The following PIK3CB variants were observed in gnomAD, a reference collection of about 807,000 sequenced individuals.
PIK3CB encodes phosphatidylinositol-4,5-bisphosphate 3-kinase catalytic subunit beta, also known as phosphatidylinositol 4,5-bisphosphate 3-kinase catalytic subunit beta isoform.
A neutral mutation model predicts 136.8 loss-of-function variants in PIK3CB; 39 were observed. The observed-to-expected ratio is 0.29, with a 90% confidence interval of 0.22 to 0.37. The LOEUF (loss-of-function observed/expected upper bound fraction) is 0.37. Ranked by LOEUF, PIK3CB falls within the 10% of genes least tolerant of loss-of-function variation. The probability of loss-of-function intolerance (pLI) is 1.00; values close to 1 mark genes in which losing one functional copy is unlikely to be tolerated. For missense variants in PIK3CB, 868 were observed against 1,275.4 expected (o/e 0.68, Z 4.87); for synonymous variants, 428 against 436.6 (o/e 0.98, Z 0.25).
intron 1 of PIK3CB, among the ~76,000 whole-genome samples, chr3:138,798,045 G>A (rs1333231348): frequency 6.6e-6 from 1 of 152,184 alleles, no homozygotes; most frequent in African/African-American, 2.4e-5. Flanking sequence ...CACTGTGCAA[G>A]GGGGAAGGTG....
chr3:138,746,780 AC>A (rs1348596992), intron 4 of PIK3CB, among the ~76,000 whole-genome samples: 1 of 151,646 alleles, frequency 6.6e-6, no homozygotes, highest in African/African-American at 2.4e-5. Flanking sequence ...TTGCTTTGTC[AC>A]ATAACTTTGC....
rs1228844431 is a variant in PIK3CB, at chr3:138,705,154, GCAAAAAAAAAAAAAAAAAA to G, written c.1531-680_1531-662del. 2.5e-3 allele frequency among the ~76,000 whole-genome samples: 76 copies of G among 29,902 alleles called. 3 individuals are homozygous for G. The highest frequency in any genetic ancestry group is 8.8e-3 in the African/African-American group (69 of 7,838). 19.6% of individuals were successfully genotyped at this position (29,902 alleles called of 152,430 possible). ...AAAGACTCTCCAAGAGATTAGAAAG[GCAAAAAAAAAAAAAAAAAA>G]CAAAAAACAAAACAAACAAAAAAAA... On this transcript the variant is annotated intron_variant, in intron 11 of 23. Transcript: ENST00000674063.
intron 7 of PIK3CB, among the ~76,000 whole-genome samples, chr3:138,734,072 G>A (rs2045049242): frequency 6.6e-6 from 1 of 152,078 alleles, no homozygotes; most frequent in East Asian, 1.9e-4. Flanking sequence ...TCAAGGAGTA[G>A]TTCAATATAC....
chr3:138,822,676 T>C (rs1292369417), intron 1 of PIK3CB, among the ~76,000 whole-genome samples: 2 of 151,264 alleles, frequency 1.3e-5, no homozygotes, highest in Middle Eastern at 3.2e-3. Context: ...ACCCCATCTC[T>C]ACTACAAATA....
intron 1 of PIK3CB, among the ~76,000 whole-genome samples, chr3:138,804,129 G>C (rs1576422810): frequency 1.3e-5 from 2 of 151,944 alleles, no homozygotes; most frequent in African/African-American, 4.8e-5. Flanking sequence ...AACATAGCAA[G>C]AATCCATCTC....
chr3:138,733,527 C>T (rs1166546808), intron 7 of PIK3CB, 89 bp from the exon 8 acceptor site: 2 of 626,614 alleles, frequency 3.2e-6, no homozygotes. Context: ...GTTCTAATGT[C>T]TATTGGCAAA....
intron 8 of PIK3CB, among the ~76,000 whole-genome samples, chr3:138,732,719 A>AG (rs2045011435): frequency 1.6e-5 from 2 of 125,486 alleles, no homozygotes; most frequent in South Asian, 6.5e-4. Context: ...AGGAAAGAAA[A>AG]GAAAAAAAAA....
chr3:138,757,730 G>C (rs1351055807), intron 3 of PIK3CB, among the ~76,000 whole-genome samples: 1 of 148,958 alleles, frequency 6.7e-6, no homozygotes, highest in Non-Finnish European at 1.5e-5. Flanking sequence ...GGGAGGAAGA[G>C]AGGGAGGGAG....
chr3:138,797,624 A>C (rs1166080874), intron 1 of PIK3CB, among the ~76,000 whole-genome samples: 1 of 152,200 alleles, frequency 6.6e-6, no homozygotes, highest in Non-Finnish European at 1.5e-5. Flanking sequence ...GTTTTTCCAA[A>C]AGTAAGAAAA....
chr3:138,693,677 G>C lies in PIK3CB; in HGVS notation c.1892+1109C>G, dbSNP rs754670044. On this transcript the variant is annotated intron_variant, in intron 14 of 23. Transcript: ENST00000674063. Reference sequence around the variant, plus strand: ...AGCCTCCCAAAGTGCAGGGATTACAGGCATAAGCCACCACACCCAGCCATC... The same window carrying C: ...AGCCTCCCAAAGTGCAGGGATTACACGCATAAGCCACCACACCCAGCCATC... 7.4e-4 allele frequency among the ~76,000 whole-genome samples: 113 copies of C among 152,142 alleles called. 1 individual carries two copies. The highest frequency in any genetic ancestry group is 2.1e-4 in the Non-Finnish European group (14 of 67,996).
At chr3:138,720,166 C>G (rs1356392060) in intron 8 of PIK3CB, among the ~76,000 whole-genome samples, 1 of 152,152 alleles carries the variant, frequency 6.6e-6, no homozygotes, top group African/African-American at 2.4e-5. Flanking sequence ...GTTCCTTGAC[C>G]TAAATATCTC....
At chr3:138,722,302 A>G (rs1936298806) in intron 8 of PIK3CB, among the ~76,000 whole-genome samples, 1 of 152,010 alleles carries the variant, frequency 6.6e-6, no homozygotes, top group Non-Finnish European at 1.5e-5. Context: ...AGATTTGGTA[A>G]ATCATAAATA....
At chr3:138,677,467 G>GA (rs1383884433) in intron 19 of PIK3CB, among the ~76,000 whole-genome samples, 1 of 152,172 alleles carries the variant, frequency 6.6e-6, no homozygotes, top group Non-Finnish European at 1.5e-5. Flanking sequence ...TTGTATACAA[G>GA]AAATTCTAGT....
intron 1 of PIK3CB, among the ~76,000 whole-genome samples, chr3:138,799,341 CTATT>C (rs1405780668): frequency 6.6e-6 from 1 of 151,882 alleles, no homozygotes; most frequent in Non-Finnish European, 1.5e-5. Flanking sequence ...CCACATCTGG[CTATT>C]TTTTTTTGTA....
intron 4 of PIK3CB, among the ~76,000 whole-genome samples, chr3:138,747,113 T>A (rs1313912714): frequency 1.1e-5 from 1 of 90,700 alleles, no homozygotes; most frequent in Non-Finnish European, 2.1e-5. Context: ...TATATATATA[T>A]GGCATTTGCA....
intron 1 of PIK3CB, among the ~76,000 whole-genome samples, chr3:138,824,618 G>A (rs1270673821): frequency 6.6e-6 from 1 of 151,934 alleles, no homozygotes; most frequent in East Asian, 1.9e-4. Flanking sequence ...ACTTGAACCC[G>A]GGAGGCGGAG....
chr3:138,723,428 A>G (rs2044770100), intron 8 of PIK3CB, among the ~76,000 whole-genome samples: 3 of 152,026 alleles, frequency 2.0e-5, no homozygotes, highest in South Asian at 2.1e-4. Context: ...GTGTGGGCCT[A>G]TGATCCCAGC....
In PIK3CB at chr3:138,655,994, ACTTC is replaced by A. The variant is rs2043185378; in HGVS notation, c.3075+144_3075+147del. 19 of 763,986 alleles carry A rather than the reference ACTTC, an allele frequency of 2.5e-5. No homozygotes were observed. The South Asian group carries it at 3.4e-4, about 14-fold the overall frequency. The allele number at this position is 763,986 out of a possible 1,614,324, so 47.3% of individuals were successfully genotyped here. ...ACTCTACAAAATTCCTCCTTTATGTACTTCCCAGATTCTTTCCCTCCTGGCTAAG... is the reference window on the plus strand; with the variant it reads ...ACTCTACAAAATTCCTCCTTTATGTACCAGATTCTTTCCCTCCTGGCTAAG... On this transcript the variant is annotated intron_variant, in intron 23 of 23. Transcript: ENST00000674063.
intron 2 of PIK3CB, among the ~76,000 whole-genome samples, chr3:138,771,371 C>T (rs1246242513): frequency 1.3e-5 from 2 of 152,060 alleles, no homozygotes; most frequent in East Asian, 1.9e-4. Flanking sequence ...CACAGTCGCC[C>T]GCCACCGCAA....
Sources: allele counts gnomAD v4.1 joint callset (sites outside exome capture counted in the v4.1 genomes callset), GRCh38; gene constraint gnomAD v4.1.1; transcripts MANE v1.5; gene names NCBI Gene and HGNC (gene_info 2026-07-23, HGNC 2026-07-21).